The following ERBB4 variants were observed in gnomAD, a reference collection of about 807,000 sequenced individuals.
ERBB4 encodes erb-b2 receptor tyrosine kinase 4, also known as receptor tyrosine-protein kinase erbB-4.
ERBB4 carries 42 observed loss-of-function variants against 158.0 expected under a neutral mutation model. That is an observed-to-expected ratio of 0.27 (90% CI 0.21 to 0.34). The LOEUF is 0.34. Among genes scored for constraint, ERBB4 ranks in the 10% least tolerant of loss-of-function variants. ERBB4 has a pLI of 1.00. For missense variants in ERBB4, 1,333 were observed against 1,624.1 expected (o/e 0.82, Z 3.08); for synonymous variants, 583 against 558.7 (o/e 1.04, Z -0.61).
chr2:211,540,205 T>TATATACAC (rs60602351), intron 20 of ERBB4, among the ~76,000 whole-genome samples: 33,854 of 147,478 alleles, frequency 0.23, 3,990 homozygotes, highest in East Asian at 0.33. Context: ...TATATATATA[T>TATATACAC]ACACACACAC....
At chr2:211,661,857 G>A (rs1317983561) in intron 15 of ERBB4, among the ~76,000 whole-genome samples, 3 of 150,222 alleles carry the variant, frequency 2.0e-5, no homozygotes, top group Non-Finnish European at 4.4e-5. Context: ...GGCTAAAACG[G>A]TGAAACCCCG....
At chr2:212,044,712 T>C (rs2077217761) in intron 2 of ERBB4, among the ~76,000 whole-genome samples, 1 of 152,198 alleles carries the variant, frequency 6.6e-6, no homozygotes, top group Admixed American at 6.5e-5. Flanking sequence ...TAATATGTTA[T>C]CTGGAGGATC....
At chr2:211,401,495 G>A (rs1374468937) in intron 25 of ERBB4, among the ~76,000 whole-genome samples, 1 of 152,014 alleles carries the variant, frequency 6.6e-6, no homozygotes, top group Non-Finnish European at 1.5e-5. Flanking sequence ...AGTCCTCCGT[G>A]CTGAATGTAT....
At chr2:211,764,855 G>A (rs2075512345) in intron 4 of ERBB4, among the ~76,000 whole-genome samples, 3 of 152,094 alleles carry the variant, frequency 2.0e-5, no homozygotes, top group Non-Finnish European at 2.9e-5. Flanking sequence ...AAAGTTCAAC[G>A]GATTTTAGGA....
chr2:211,792,130 T>C (rs1399812132), intron 3 of ERBB4, among the ~76,000 whole-genome samples: 1 of 151,772 alleles, frequency 6.6e-6, no homozygotes, highest in Non-Finnish European at 1.5e-5. Context: ...TCAATATTTA[T>C]AAGGTAACTT....
intron 3 of ERBB4, among the ~76,000 whole-genome samples, chr2:211,874,485 G>T (rs1192316838): frequency 1.3e-5 from 2 of 152,102 alleles, no homozygotes; most frequent in Non-Finnish European, 2.9e-5. Context: ...TTCAAATAAT[G>T]AATTTTAAAG....
chr2:211,991,099 G>C (rs2082065041), intron 2 of ERBB4, among the ~76,000 whole-genome samples: 1 of 151,976 alleles, frequency 6.6e-6, no homozygotes, highest in Non-Finnish European at 1.5e-5. Context: ...GTCTATAGCT[G>C]ACATAGTAGG....
At chr2:211,704,444 GT>G (rs753076424) in intron 10 of ERBB4, among the ~76,000 whole-genome samples, 1 of 152,080 alleles carries the variant, frequency 6.6e-6, no homozygotes, top group Non-Finnish European at 1.5e-5. Context: ...CAAAAATGTA[GT>G]CTAACTAGAT....
chr2:211,595,606 T>TTA (rs2068606196), intron 19 of ERBB4, among the ~76,000 whole-genome samples: 1 of 152,146 alleles, frequency 6.6e-6, no homozygotes, highest in Non-Finnish European at 1.5e-5. Flanking sequence ...AACCAGATGT[T>TTA]ATTAGACTAC....
intron 1 of ERBB4, among the ~76,000 whole-genome samples, chr2:212,359,233 A>AAAGG (rs58690624): frequency 0.24 from 35,636 of 151,278 alleles, 5,585 homozygotes; most frequent in African/African-American, 0.45. Flanking sequence ...GTGATATATA[A>AAAGG]AAGTCAGAAA....
chr2:211,421,765 ATATG>A (rs2063519325), intron 24 of ERBB4, among the ~76,000 whole-genome samples: 1 of 151,968 alleles, frequency 6.6e-6, no homozygotes, highest in African/African-American at 2.4e-5. Flanking sequence ...CTCTTTATGT[ATATG>A]TATAATCATA....
intron 1 of ERBB4, among the ~76,000 whole-genome samples, chr2:212,516,192 G>T (rs184011600): frequency 4.6e-5 from 7 of 151,956 alleles, no homozygotes; most frequent in African/African-American, 1.7e-4. Context: ...TGTGCAAAAT[G>T]TTATTAGTAC....
At chr2:211,701,483 G>A (rs937611323) in intron 12 of ERBB4, among the ~76,000 whole-genome samples, 2 of 152,126 alleles carry the variant, frequency 1.3e-5, no homozygotes, top group Admixed American at 6.5e-5. Flanking sequence ...ACGGCCGGGC[G>A]CGGTGGCTCA....
At chr2:212,331,827 T>C (rs1356010054) in intron 1 of ERBB4, among the ~76,000 whole-genome samples, 1 of 152,060 alleles carries the variant, frequency 6.6e-6, no homozygotes, top group Non-Finnish European at 1.5e-5. Context: ...TTACCTGCTG[T>C]ATTAAATAGG....
chr2:211,868,630 A>G (rs2078267575), intron 3 of ERBB4, among the ~76,000 whole-genome samples: 1 of 152,168 alleles, frequency 6.6e-6, no homozygotes, highest in Non-Finnish European at 1.5e-5. Flanking sequence ...CTCTAGCTCA[A>G]CTGTTGGGTT....
At chr2:211,440,339 G>A (rs1046202024) in intron 20 of ERBB4, among the ~76,000 whole-genome samples, 4 of 152,080 alleles carry the variant, frequency 2.6e-5, no homozygotes, top group Admixed American at 6.6e-5. Flanking sequence ...ATGTCTGTGG[G>A]CTGTAGCAGT....
intron 1 of ERBB4, among the ~76,000 whole-genome samples, chr2:212,446,018 A>G (rs1439856848): frequency 6.6e-6 from 1 of 152,208 alleles, no homozygotes; most frequent in African/African-American, 2.4e-5. Flanking sequence ...TTGACTTCGT[A>G]TCAGCATTTA....
intron 3 of ERBB4, among the ~76,000 whole-genome samples, chr2:211,924,563 G>A (rs566037349): frequency 7.2e-5 from 11 of 152,040 alleles, no homozygotes; most frequent in African/African-American, 2.2e-4. Flanking sequence ...ACGTCAAATC[G>A]ATCACATAAA....
chr2:212,192,424 C>T (rs1056173202), intron 1 of ERBB4, among the ~76,000 whole-genome samples: 1 of 151,766 alleles, frequency 6.6e-6, no homozygotes, highest in Admixed American at 6.6e-5. Flanking sequence ...TATAATCATA[C>T]CATCAGCCCA....
Sources: allele counts gnomAD v4.1 joint callset (sites outside exome capture counted in the v4.1 genomes callset), GRCh38; gene constraint gnomAD v4.1.1; transcripts MANE v1.5; gene names NCBI Gene and HGNC (gene_info 2026-07-23, HGNC 2026-07-21).